Variants in NR2F1-AS1 observed in about 807,000 individuals in gnomAD.
NR2F1-AS1 encodes the protein NR2F1 regulatory antisense RNA 1.
At chr5:93,573,965 A>C (rs1437561323) in intron 1 of NR2F1-AS1, among the ~76,000 whole-genome samples, 1 of 152,222 alleles carries the variant, frequency 6.6e-6, no homozygotes, top group Non-Finnish European at 1.5e-5. Context: ...TAGTTTTGTG[A>C]GCAATAAAGC....
At chr5:93,572,765 C>T (rs904448185) in intron 1 of NR2F1-AS1, among the ~76,000 whole-genome samples, 3 of 152,236 alleles carry the variant, frequency 2.0e-5, no homozygotes, top group African/African-American at 7.2e-5. Flanking sequence ...GTCTCCCTGT[C>T]AAGTCATTAC....
Position 93,504,382 on chromosome 5 carries a change from T to A in NR2F1-AS1, n.638+49379A>T, listed in dbSNP as rs1438696. 6.3e-3 allele frequency among the ~76,000 whole-genome samples: 961 copies of A among 152,218 alleles called. 8 individuals carry two copies. The highest frequency in any genetic ancestry group is 0.021 in the East Asian group (108 of 5,170). ...ATTAATTCAGCAGTCAAAAATATGA[T>A]GAAAACCTCAGTCAAAAGTTTATAG... On this transcript the variant is annotated intron_variant and non_coding_transcript_variant, in intron 4 of 5. Transcript: ENST00000660523.
At chr5:93,486,679 T>G (rs1750724267) in intron 4 of NR2F1-AS1, among the ~76,000 whole-genome samples, 1 of 152,212 alleles carries the variant, frequency 6.6e-6, no homozygotes. Flanking sequence ...AAAGAGGGAC[T>G]GGTACTATTC....
At chr5:93,488,022 G>T (rs1381989644) in intron 4 of NR2F1-AS1, among the ~76,000 whole-genome samples, 1 of 152,174 alleles carries the variant, frequency 6.6e-6, no homozygotes. Context: ...ATGGTATTGG[G>T]AAAACTGGCT....
chr5:93,558,882 T>C (rs1397709533), intron 2 of NR2F1-AS1, among the ~76,000 whole-genome samples: 2 of 152,228 alleles, frequency 1.3e-5, no homozygotes, highest in Non-Finnish European at 1.5e-5. Flanking sequence ...GCTGTCATCC[T>C]GACTTTGCTG....
At chr5:93,495,568 G>C (rs1451397895) in intron 4 of NR2F1-AS1, among the ~76,000 whole-genome samples, 1 of 151,988 alleles carries the variant, frequency 6.6e-6, no homozygotes, top group African/African-American at 2.4e-5. Flanking sequence ...TTTTAGCCTT[G>C]ACCGTGTAAT....
At chr5:93,526,059 A>C (rs1751606861) in intron 4 of NR2F1-AS1, among the ~76,000 whole-genome samples, 1 of 152,204 alleles carries the variant, frequency 6.6e-6, no homozygotes, top group Admixed American at 6.5e-5. Context: ...AAATCAATGA[A>C]TCCAAAAGCT....
At position 93,525,499 on chromosome 5, in the gene NR2F1-AS1, A is replaced by G. The variant is rs190010108; in HGVS notation, n.638+28262T>C. ...ATTCAGGACTTGAACTCAGCTCTGG[A>G]TAAGTGGACCTAATAGACATCTACA... On this transcript the variant is annotated intron_variant and non_coding_transcript_variant, in intron 4 of 5. Coordinates refer to ENST00000660523, the Ensembl canonical transcript of NR2F1-AS1. 1.8e-4 allele frequency among the ~76,000 whole-genome samples: 27 copies of G among 151,800 alleles called. No homozygotes were observed. In the Middle Eastern group the frequency reaches 0.014, roughly 77 times the overall value.
chr5:93,547,400 C>G (rs943110623), intron 4 of NR2F1-AS1, among the ~76,000 whole-genome samples: 5 of 152,136 alleles, frequency 3.3e-5, no homozygotes, highest in African/African-American at 9.7e-5. Flanking sequence ...CAGCCAACAT[C>G]TATCACCATT....
chr5:93,578,569 C>T (rs1360607107), intron 1 of NR2F1-AS1, among the ~76,000 whole-genome samples: 2 of 152,158 alleles, frequency 1.3e-5, no homozygotes, highest in African/African-American at 2.4e-5. Flanking sequence ...CCCCTGTGGG[C>T]CTGGCTGGAG....
Position 93,580,147 on chromosome 5 carries a change from C to T in NR2F1-AS1, n.313+320G>A, listed in dbSNP as rs561340886. 3.3e-5 allele frequency among the ~76,000 whole-genome samples: 5 copies of T among 152,320 alleles called. No individual in the cohort carries two copies. In the South Asian group the frequency reaches 1.0e-3, roughly 32 times the overall value. ...GGTCCCCGTCCTCCGCCCGGGCATC[C>T]GTTTCCCGCCTAGGAGAGAGAGGGA... On this transcript the variant is annotated intron_variant and non_coding_transcript_variant, in intron 1 of 5. Transcript: ENST00000660523.
rs1364265605 is a variant in NR2F1-AS1, at chr5:93,527,286, A to C, written n.638+26475T>G. Reference sequence around the variant, plus strand: ...TAAAATACCTAGGAATACAACTGACAAGAAATGTGAAGGACCTCTTCAAGG... The same window carrying C: ...TAAAATACCTAGGAATACAACTGACCAGAAATGTGAAGGACCTCTTCAAGG... On this transcript the variant is annotated intron_variant and non_coding_transcript_variant, in intron 4 of 5. Coordinates refer to ENST00000660523, the Ensembl canonical transcript of NR2F1-AS1. Among the ~76,000 whole-genome samples the C allele has an allele frequency of 2.6e-5, 4 of 152,220 alleles. No homozygotes were observed. In the East Asian group the frequency reaches 7.7e-4, roughly 29 times the overall value.
intron 4 of NR2F1-AS1, among the ~76,000 whole-genome samples, chr5:93,524,617 G>T (rs896565507): frequency 3.3e-5 from 5 of 152,130 alleles, no homozygotes; most frequent in African/African-American, 1.2e-4. Context: ...GTAAGGTCGG[G>T]TCACCTATAA....
intron 4 of NR2F1-AS1, among the ~76,000 whole-genome samples, chr5:93,487,082 T>C (rs1470914290): frequency 6.6e-6 from 1 of 152,166 alleles, no homozygotes; most frequent in Non-Finnish European, 1.5e-5. Context: ...AACTAGGTAC[T>C]GATGGGACGT....
chr5:93,533,001 A>G (rs1323685369), intron 4 of NR2F1-AS1, among the ~76,000 whole-genome samples: 1 of 152,232 alleles, frequency 6.6e-6, no homozygotes, highest in African/African-American at 2.4e-5. Flanking sequence ...ATCAGTACAC[A>G]ACAAAAATCA....
chr5:93,497,046 A>G (rs1750974811), intron 4 of NR2F1-AS1, among the ~76,000 whole-genome samples: 1 of 152,210 alleles, frequency 6.6e-6, no homozygotes, highest in Non-Finnish European at 1.5e-5. Context: ...GTGGACTTCT[A>G]AAATATAACC....
intron 4 of NR2F1-AS1, among the ~76,000 whole-genome samples, chr5:93,548,219 T>C (rs1752134474): frequency 6.6e-6 from 1 of 152,170 alleles, no homozygotes; most frequent in African/African-American, 2.4e-5. Flanking sequence ...ACATCACAAA[T>C]GGAAACAACC....
At chr5:93,539,957 G>A (rs1160541552) in intron 4 of NR2F1-AS1, among the ~76,000 whole-genome samples, 2 of 152,166 alleles carry the variant, frequency 1.3e-5, no homozygotes, top group East Asian at 3.9e-4. Flanking sequence ...AGTGTCTCAA[G>A]ATACTAAGAC....
chr5:93,491,992 C>T (rs1268933244), intron 4 of NR2F1-AS1, among the ~76,000 whole-genome samples: 1 of 152,170 alleles, frequency 6.6e-6, no homozygotes, highest in Non-Finnish European at 1.5e-5. Flanking sequence ...TATATATATC[C>T]TATTGGTTCT....
Sources: allele counts gnomAD v4.1 joint callset (sites outside exome capture counted in the v4.1 genomes callset), GRCh38; gene constraint gnomAD v4.1.1; transcripts MANE v1.5; gene names NCBI Gene and HGNC (gene_info 2026-07-23, HGNC 2026-07-21).